Variants in RBBP8 observed in about 807,000 individuals in gnomAD.
The protein encoded by RBBP8 is RB binding protein 8, endonuclease.
In RBBP8, 88 loss-of-function variants were observed where a neutral mutation model predicts 108.3. That is an observed-to-expected ratio of 0.81 (90% CI 0.68 to 0.97). RBBP8 has a LOEUF of 0.97. Ranked by LOEUF, RBBP8 falls within the 50% of genes least tolerant of loss-of-function variation. The pLI, the probability that RBBP8 is intolerant of heterozygous loss-of-function variation, is 0.00. For missense variants in RBBP8, 1,023 were observed against 1,049.0 expected (o/e 0.98, Z 0.34); for synonymous variants, 332 against 348.2 (o/e 0.95, Z 0.52).
chr18:22,943,245 G>A (rs967094876), intron 2 of RBBP8, among the ~76,000 whole-genome samples: 6 of 150,808 alleles, frequency 4.0e-5, no homozygotes, highest in African/African-American at 2.5e-5. Flanking sequence ...AGACCAGCCT[G>A]GACAACAAAG....
chr18:22,945,893 G>C (rs1399458966), intron 2 of RBBP8, among the ~76,000 whole-genome samples: 2 of 152,114 alleles, frequency 1.3e-5, no homozygotes, highest in Admixed American at 6.6e-5. Context: ...ATGCCTGTCA[G>C]TCTGCTTTCT....
chr18:23,026,152 A>T lies in RBBP8; in HGVS notation c.2606A>T (p.Lys869Met). ...TQTCMERGYI[K>M]EDLDPCPRPK... ...ATGATTTGTTTTTAAGGTTATATTA[A>T]GGAAGATCTTGATCCTTGTCCTCGT... Residue 869 changes from lysine to methionine, a missense_variant, in exon 19 of 19, where the codon AAG becomes ATG. Transcript: ENST00000327155. 6.2e-7 allele frequency: 1 copy of T among 1,612,854 alleles called. No homozygotes were observed. The highest frequency in any genetic ancestry group is 8.5e-7 in the Non-Finnish European group (1 of 1,178,984).
chr18:22,974,183 A>G (rs555539740), intron 5 of RBBP8, among the ~76,000 whole-genome samples: 1 of 152,302 alleles, frequency 6.6e-6, no homozygotes, highest in African/African-American at 2.4e-5. Flanking sequence ...GCTAAAACAC[A>G]TGCTTAACCA....
chr18:23,005,631 T>G (rs966472846), intron 15 of RBBP8, among the ~76,000 whole-genome samples: 3 of 152,052 alleles, frequency 2.0e-5, no homozygotes, highest in Admixed American at 2.0e-4. Context: ...CAGGCTGATC[T>G]CAAACTCCTG....
chr18:23,005,370 TATATC>T (rs2046023566), intron 15 of RBBP8, among the ~76,000 whole-genome samples: 2 of 152,214 alleles, frequency 1.3e-5, no homozygotes, highest in Admixed American at 1.3e-4. Flanking sequence ...ATTGTGTACA[TATATC>T]AGAGTATCAC....
intron 16 of RBBP8, among the ~76,000 whole-genome samples, chr18:23,013,400 C>G (rs138262852): frequency 1.5e-3 from 235 of 152,118 alleles, no homozygotes; most frequent in African/African-American, 5.2e-3. Context: ...ATCACAAGAT[C>G]AATTGAACCA....
At chr18:22,954,154 C>T (rs549462696) in intron 4 of RBBP8, among the ~76,000 whole-genome samples, 1 of 152,296 alleles carries the variant, frequency 6.6e-6, no homozygotes, top group East Asian at 1.9e-4. Flanking sequence ...CATGTCCTCG[C>T]ATTTCAAGAC....
chr18:23,026,377 G>A lies in RBBP8; in HGVS notation c.*137G>A. ...AATCAGTTTTCTATTGAAAATGTTT[G>A]TGATATTTTGCTTTTGCACCTTTAA... On this transcript the variant is annotated 3_prime_UTR_variant, in exon 19 of 19. Transcript: ENST00000327155. 1.2e-6 allele frequency: 1 copy of A among 850,764 alleles called. No individual in the cohort carries two copies. Among genetic ancestry groups the A allele is most frequent in the Non-Finnish European group, 1.9e-6 (1 of 532,780 alleles). 52.7% of individuals were successfully genotyped at this position (850,764 alleles called of 1,614,324 possible). A position where few individuals can be genotyped will look rare whatever the true frequency, so the allele number is the denominator to read the frequency against.
At chr18:23,009,515 A>AT (rs987684971) in intron 16 of RBBP8, among the ~76,000 whole-genome samples, 17 of 149,516 alleles carry the variant, frequency 1.1e-4, no homozygotes, top group African/African-American at 3.9e-4. Context: ...TACATAAAGT[A>AT]TAATGTATTT....
chr18:22,929,465 G>GGTGT (rs1165994615), upstream of RBBP8: 25 of 110,788 alleles, frequency 2.3e-4, no homozygotes, highest in African/African-American at 1.0e-3. Context: ...TGTTTGGGCA[G>GGTGT]GTGTGTGTGT....
chr18:22,986,122 C>T (rs937050466), intron 8 of RBBP8, among the ~76,000 whole-genome samples: 3 of 151,894 alleles, frequency 2.0e-5, no homozygotes, highest in African/African-American at 7.3e-5. Flanking sequence ...CCCCCTGCCC[C>T]GAACCATTTT....
chr18:23,011,799 CTCAA>C (rs2046167932), intron 16 of RBBP8, among the ~76,000 whole-genome samples: 1 of 152,088 alleles, frequency 6.6e-6, no homozygotes, highest in Admixed American at 6.6e-5. Flanking sequence ...AGACAGCGAA[CTCAA>C]TCAATGAATG....
At chr18:23,022,668 T>TAAAAATAAAAAAAATAAAATAA (rs1353697130) in intron 18 of RBBP8, among the ~76,000 whole-genome samples, 2 of 136,026 alleles carry the variant, frequency 1.5e-5, no homozygotes, top group African/African-American at 5.8e-5. Flanking sequence ...TAAAATAAAA[T>TAAAAATAAAAAAAATAAAATAA]AAATAACTGT....
At position 22,999,759 on chromosome 18, in the gene RBBP8, A is replaced by G. The variant is rs191757817; in HGVS notation, c.2144-1827A>G. Among the ~76,000 whole-genome samples, 68 of 152,316 alleles carry G rather than the reference A, an allele frequency of 4.5e-4. 4 individuals carry two copies. The highest frequency in any genetic ancestry group is 1.5e-3 in the African/African-American group (64 of 41,552). On this transcript the variant is annotated intron_variant, in intron 14 of 18. Transcript: ENST00000327155. ...TTACTGCCAGTATTTCAATTCAGAA[A>G]ATTTTCATGCACCTACTCTGTTAGA... is the stretch of plus-strand genomic sequence containing the variant.
At chr18:22,951,501 TC>T (rs1948317456) in intron 4 of RBBP8, among the ~76,000 whole-genome samples, 1 of 152,176 alleles carries the variant, frequency 6.6e-6, no homozygotes, top group Non-Finnish European at 1.5e-5. Context: ...CCCACTGTAC[TC>T]GTACAACATG....
At chr18:22,986,737 T>C (rs1915350633) in intron 8 of RBBP8, among the ~76,000 whole-genome samples, 1 of 152,218 alleles carries the variant, frequency 6.6e-6, no homozygotes. Flanking sequence ...GGTTAATCAC[T>C]TATTCATTTT....
chr18:22,967,747 C>T (rs1469485518), intron 4 of RBBP8, among the ~76,000 whole-genome samples: 3 of 150,402 alleles, frequency 2.0e-5, no homozygotes, highest in Non-Finnish European at 3.0e-5. Context: ...CCCAGGCTCA[C>T]GCCATTCTCC....
intron 4 of RBBP8, among the ~76,000 whole-genome samples, chr18:22,960,135 C>T (rs9963761): frequency 0.49 from 74,622 of 151,898 alleles, 21,700 homozygotes; most frequent in Middle Eastern, 0.67. Flanking sequence ...CCTTGTGATC[C>T]GCCCACCTCG....
chr18:23,020,802 A>G (rs1368695349), intron 17 of RBBP8, among the ~76,000 whole-genome samples: 1 of 152,104 alleles, frequency 6.6e-6, no homozygotes, highest in South Asian at 2.1e-4. Context: ...CTGTTTCTCA[A>G]ATATGTTTTA....
Sources: gnomAD v4.1 joint callset for allele counts (sites outside exome capture counted in the v4.1 genomes callset) on GRCh38, gnomAD v4.1.1 for gene constraint, MANE v1.5 for transcripts, NCBI Gene and HGNC (gene_info 2026-07-23, HGNC 2026-07-21) for gene names.